Variants in TNRC6B observed in about 807,000 individuals in gnomAD.
TNRC6B encodes the protein trinucleotide repeat containing adaptor 6B.
Under a neutral mutation model 203.6 loss-of-function variants are expected in TNRC6B, and 52 were observed. The observed-to-expected ratio is 0.26, with a 90% CI of 0.20 to 0.32. TNRC6B has a LOEUF of 0.32. Among genes scored for constraint, TNRC6B ranks in the 10% least tolerant of loss-of-function variants. TNRC6B has a pLI of 1.00. For missense variants in TNRC6B, 1,923 were observed against 2,286.2 expected (o/e 0.84, Z 3.24); for synonymous variants, 838 against 845.7 (o/e 0.99, Z 0.16).
chr22:40,151,156 A>G (rs1322182227), intron 3 of TNRC6B, among the ~76,000 whole-genome samples: 5 of 152,226 alleles, frequency 3.3e-5, no homozygotes, highest in Admixed American at 3.3e-4. Flanking sequence ...CTGTAATCCC[A>G]GCTACTCAGG....
chr22:40,088,584 T>TGTGTGTGTGTGTGTG, intron 1 of TNRC6B, among the ~76,000 whole-genome samples: 1 of 125,230 alleles, frequency 8.0e-6, no homozygotes, highest in East Asian at 2.4e-4. Context: ...GCGGCTACTT[T>TGTGTGTGTGTGTGTG]TGTGTGTGTG....
chr22:40,212,759 G>A (rs1029089460), intron 1 of TNRC6B, among the ~76,000 whole-genome samples: 5 of 151,858 alleles, frequency 3.3e-5, no homozygotes, highest in Non-Finnish European at 7.4e-5. Context: ...AGCGATTCTC[G>A]TGCCTCAGCC....
intron 1 of TNRC6B, among the ~76,000 whole-genome samples, chr22:40,100,380 C>T (rs1273926840): frequency 7.0e-6 from 1 of 143,572 alleles, no homozygotes; most frequent in African/African-American, 2.4e-5. Context: ...GTGACCACTG[C>T]GCCTGGCCTA....
chr22:40,088,802 T>C (rs2068123742), intron 1 of TNRC6B, among the ~76,000 whole-genome samples: 1 of 151,888 alleles, frequency 6.6e-6, no homozygotes, highest in Admixed American at 6.6e-5. Flanking sequence ...GCTTAAAAAT[T>C]ATGAGAGAAG....
intron 1 of TNRC6B, among the ~76,000 whole-genome samples, chr22:40,070,580 T>A (rs2067938400): frequency 6.6e-6 from 1 of 152,182 alleles, no homozygotes; most frequent in Non-Finnish European, 1.5e-5. Context: ...ATAATACAGT[T>A]ATATCTTTAT....
chr22:40,208,105 C>A (rs1185885111), intron 1 of TNRC6B, among the ~76,000 whole-genome samples: 1 of 134,640 alleles, frequency 7.4e-6, no homozygotes, highest in Non-Finnish European at 1.6e-5. Context: ...GAGTGGGACT[C>A]CATCTCAAAA....
Position 40,296,326 on chromosome 22 carries a change from A to ATT in TNRC6B, c.3709-4107_3709-4106dup, listed in dbSNP as rs951987835. ...TATAAGAAATTGAGGAGAATGGTGA[A>ATT]TTTTTTTTTTTTTTTTTTTTTTTGA... is the stretch of plus-strand genomic sequence containing the variant. On this transcript the variant is annotated intron_variant, in intron 12 of 22. Coordinates refer to ENST00000454349, the MANE Select transcript of TNRC6B (RefSeq NM_001162501.2). 7.4e-3 allele frequency among the ~76,000 whole-genome samples: 924 copies of ATT among 125,400 alleles called. 8 individuals carry two copies. The highest frequency in any genetic ancestry group is 0.013 in the Middle Eastern group (3 of 236). The allele number at this position is 125,400 out of a possible 152,430, so 82.3% of individuals were successfully genotyped here. A position where few individuals can be genotyped will look rare whatever the true frequency, so the allele number is the denominator to read the frequency against.
intron 1 of TNRC6B, among the ~76,000 whole-genome samples, chr22:40,108,046 C>T (rs1375001425): frequency 6.6e-6 from 1 of 151,876 alleles, no homozygotes; most frequent in Non-Finnish European, 1.5e-5. Context: ...GTTAAATTTG[C>T]TTTTTAAGAC....
At chr22:40,178,283 C>A in intron 1 of TNRC6B, 143 bp downstream of exon 1, 1 of 884,952 alleles carries the variant, frequency 1.1e-6, no homozygotes, top group Non-Finnish European at 1.7e-6. Flanking sequence ...TAAATCAGAC[C>A]CGTGATGTAC....
intron 1 of TNRC6B, among the ~76,000 whole-genome samples, chr22:40,237,325 G>T (rs2069961342): frequency 6.6e-6 from 1 of 152,182 alleles, no homozygotes; most frequent in African/African-American, 2.4e-5. Flanking sequence ...CTGCCCTGAA[G>T]GTGCTGTCTG....
At chr22:40,072,774 G>A (rs974950273) in intron 1 of TNRC6B, among the ~76,000 whole-genome samples, 5 of 148,782 alleles carry the variant, frequency 3.4e-5, no homozygotes, top group Admixed American at 6.9e-5. Context: ...GGAGGCAGGG[G>A]AATCACTTGA....
chr22:40,132,212 T>G (rs1007094136), intron 3 of TNRC6B, among the ~76,000 whole-genome samples: 32 of 152,070 alleles, frequency 2.1e-4, no homozygotes, highest in African/African-American at 7.7e-4. Context: ...GCTGGGCCTG[T>G]TAGTGTGCAC....
intron 1 of TNRC6B, among the ~76,000 whole-genome samples, chr22:40,192,124 T>G (rs1372988344): frequency 6.6e-6 from 1 of 152,210 alleles, no homozygotes; most frequent in Non-Finnish European, 1.5e-5. Flanking sequence ...CCTCCCAAAG[T>G]GCTGAGATAA....
intron 16 of TNRC6B, 150 bp from the exon 17 acceptor site, chr22:40,310,667 G>T: frequency 1.3e-6 from 1 of 751,538 alleles, no homozygotes; most frequent in South Asian, 2.2e-5. Context: ...GTAATTCTGT[G>T]CTGAGTCTCG....
At chr22:40,100,636 T>C (rs1030565306) in intron 1 of TNRC6B, among the ~76,000 whole-genome samples, 6 of 152,218 alleles carry the variant, frequency 3.9e-5, no homozygotes, top group African/African-American at 1.4e-4. Flanking sequence ...TTCTCCCGCC[T>C]TGGCCTCCCT....
At chr22:40,189,265 C>G (rs2146391391) in intron 1 of TNRC6B, among the ~76,000 whole-genome samples, 1 of 152,156 alleles carries the variant, frequency 6.6e-6, no homozygotes, top group Admixed American at 6.5e-5. Flanking sequence ...TATACTTTCT[C>G]CCCCAGATAT....
intron 1 of TNRC6B, chr22:40,106,595 C>T (rs1460709287): frequency 9.6e-6 from 7 of 726,850 alleles, no homozygotes; most frequent in East Asian, 5.0e-5. Flanking sequence ...TCCATAACCA[C>T]GCTTGTAGAT....
Position 40,323,415 on chromosome 22 carries a change from C to A in TNRC6B, c.*174C>A. The A allele has an allele frequency of 1.0e-5, 7 of 697,926 alleles. No homozygotes were observed. The highest frequency in any genetic ancestry group is 1.5e-5 in the Non-Finnish European group (7 of 453,044). 43.2% of individuals were successfully genotyped at this position (697,926 alleles called of 1,614,324 possible). ...GACTGTCTGAGCACATAGTTGCCTC[C>A]CTTATAACTTCAGTTTTTTCGTTTG... On this transcript the variant is annotated 3_prime_UTR_variant, in exon 23 of 23. Transcript: ENST00000454349.
At chr22:40,200,210 C>T (rs1050630662) in intron 1 of TNRC6B, among the ~76,000 whole-genome samples, 2 of 146,766 alleles carry the variant, frequency 1.4e-5, no homozygotes, top group Admixed American at 1.4e-4. Context: ...GTTCTTGGTA[C>T]TATTCTTGCA....
Sources: gnomAD v4.1 joint callset for allele counts (sites outside exome capture counted in the v4.1 genomes callset) on GRCh38, gnomAD v4.1.1 for gene constraint, MANE v1.5 for transcripts, NCBI Gene and HGNC (gene_info 2026-07-23, HGNC 2026-07-21) for gene names.